TRIR: variants seen among roughly 807,000 people sequenced by gnomAD.
TRIR encodes telomerase RNA component interacting RNase.
Under a neutral mutation model 18.2 loss-of-function variants are expected in TRIR, and 5 were observed. That is an observed-to-expected ratio of 0.27 (90% CI 0.14 to 0.58). The LOEUF is 0.58. TRIR is among the 20% of genes least tolerant of loss of function. The pLI is 0.91. For synonymous variants in TRIR, 134 were observed against 114.4 expected (o/e 1.17, Z -1.10); for missense variants, 206 against 252.8 (o/e 0.81, Z 1.25).
rs1224246485 is a variant in TRIR, at chr19:12,731,435, CAGA to C, written c.346-17_346-15del. 6.2e-7 allele frequency: 1 copy of C among 1,610,092 alleles called. No individual in the cohort carries two copies. On this transcript the variant is annotated splice_polypyrimidine_tract_variant and intron_variant, in intron 1 of 2. Coordinates refer to ENST00000242784, the MANE Select transcript of TRIR (RefSeq NM_024038.4). This position sits in a 1 kb window ranked among gnomAD's most constrained non-coding sequence, Gnocchi z 5.1. ...GCGTTTGCCCACCTGGGTGAAGGGA[CAGA>C]AGACTGCAACGGTTACAGGAGCCGG...
In TRIR at chr19:12,731,831, C is replaced by T. The variant is rs1967433689; in HGVS notation, c.346-410G>A. The stretch of plus-strand genomic sequence containing the variant: ...TACCCTAAGATGAAAGTTAGAACCA[C>T]CCCCTTTTTGACCAGGCGCGGTGGC... On this transcript the variant is annotated intron_variant, in intron 1 of 2. Coordinates refer to ENST00000242784, the MANE Select transcript of TRIR (RefSeq NM_024038.4). The surrounding 1 kb of genome is among the most constrained non-coding windows in gnomAD (Gnocchi z 5.1). 1 of 172,758 alleles carries T rather than the reference C, an allele frequency of 5.8e-6. No homozygotes were observed. The highest frequency in any genetic ancestry group is 2.4e-5 in the African/African-American group (1 of 41,862). The allele number at this position is 172,758 out of a possible 1,614,324, so 10.7% of individuals were successfully genotyped here. A position where few individuals can be genotyped will look rare whatever the true frequency, so the allele number is the denominator to read the frequency against.
chr19:12,732,176 G>A (rs1967443152), intron 1 of TRIR, among the ~76,000 whole-genome samples: 1 of 147,808 alleles, frequency 6.8e-6, no homozygotes, highest in Non-Finnish European at 1.5e-5. Context: ...CCTTTTCATA[G>A]ATGAGGAAAG....
rs1568344190 is a variant in TRIR, at chr19:12,730,888, G to A, written c.*73C>T. ...TTAAGTCCTCTCAGGGAAGGCTGTC[G>A]CCGCTGCCGCTGCATTAAATAGTTA... On this transcript the variant is annotated 3_prime_UTR_variant, in exon 3 of 3. Coordinates refer to ENST00000242784, the MANE Select transcript of TRIR (RefSeq NM_024038.4). The A allele has an allele frequency of 2.9e-6, 4 of 1,384,858 alleles. No homozygotes were observed. The highest frequency in any genetic ancestry group is 2.1e-6 in the Non-Finnish European group (2 of 974,966). The allele number at this position is 1,384,858 out of a possible 1,614,324, so 85.8% of individuals were successfully genotyped here. A position where few individuals can be genotyped will look rare whatever the true frequency, so the allele number is the denominator to read the frequency against.
At position 12,734,401 on chromosome 19, in the gene TRIR, G is replaced by A; in HGVS notation, c.257C>T (p.Pro86Leu). Residue 86 changes from proline to leucine, a missense_variant, in exon 1 of 3, where the codon CCG becomes CTG. Coordinates refer to ENST00000242784, the MANE Select transcript of TRIR (RefSeq NM_024038.4). This position sits in a 1 kb window ranked among gnomAD's most constrained non-coding sequence, Gnocchi z 4.1. ...CGACTGGTCGGGTCGCTGCGGACCCGGGGGCGGCTCCTCCTGCCGCTGCCG... is the reference window on the plus strand; with the variant it reads ...CGACTGGTCGGGTCGCTGCGGACCCAGGGGCGGCTCCTCCTGCCGCTGCCG... The part of the protein sequence containing the change: ...EQRQRQEEPP[P>L]GPQRPDQSAA... The A allele has an allele frequency of 2.6e-6, 4 of 1,513,648 alleles. No homozygotes were observed. Among genetic ancestry groups the A allele is most frequent in the South Asian group, 2.5e-5 (2 of 80,380 alleles). 93.8% of individuals were successfully genotyped at this position (1,513,648 alleles called of 1,614,324 possible).
chr19:12,730,720 G>C lies in TRIR; in HGVS notation c.*241C>G. On this transcript the variant is annotated 3_prime_UTR_variant, in exon 3 of 3. Transcript: ENST00000242784. ...GAGGGTGAGAAGAGGAAGACAGAAA[G>C]AGCCAGAGAGAATGAGGAGGTGAGA... 2 of 572,488 alleles carry C rather than the reference G, an allele frequency of 3.5e-6. No individual in the cohort carries two copies. Among genetic ancestry groups the C allele is most frequent in the South Asian group, 2.1e-5 (1 of 48,178 alleles). 35.5% of individuals were successfully genotyped at this position (572,488 alleles called of 1,614,324 possible). A position where few individuals can be genotyped will look rare whatever the true frequency, so the allele number is the denominator to read the frequency against.
chr19:12,732,124 C>CAAAA (rs34115155), intron 1 of TRIR, among the ~76,000 whole-genome samples: 41 of 79,768 alleles, frequency 5.1e-4, no homozygotes, highest in African/African-American at 1.7e-3. Flanking sequence ...GACTCTGTCT[C>CAAAA]AAAAAAAAAA....
In TRIR at chr19:12,731,612, G is replaced by A. The variant is rs935614961; in HGVS notation, c.346-191C>T. 11 of 607,762 alleles carry A rather than the reference G, an allele frequency of 1.8e-5. No homozygotes were observed. Among genetic ancestry groups the A allele is most frequent in the African/African-American group, 7.4e-5 (4 of 53,780 alleles). 37.6% of individuals were successfully genotyped at this position (607,762 alleles called of 1,614,324 possible). A position where few individuals can be genotyped will look rare whatever the true frequency, so the allele number is the denominator to read the frequency against. ...GACTCAGCGCCTGCCCTGGGCCCGC[G>A]GTGCCCTCCCAGGGAGCAAGAAGAG... On this transcript the variant is annotated intron_variant, in intron 1 of 2. Coordinates refer to ENST00000242784, the MANE Select transcript of TRIR (RefSeq NM_024038.4). The surrounding 1 kb of genome is among the most constrained non-coding windows in gnomAD (Gnocchi z 5.1).
chr19:12,731,775 T>C lies in TRIR; in HGVS notation c.346-354A>G, dbSNP rs1967432610. 1 of 241,584 alleles carries C rather than the reference T, an allele frequency of 4.1e-6. No individual in the cohort carries two copies. Among genetic ancestry groups the C allele is most frequent in the Admixed American group, 4.9e-5 (1 of 20,244 alleles). The allele number at this position is 241,584 out of a possible 1,614,324, so 15.0% of individuals were successfully genotyped here. On this transcript the variant is annotated intron_variant, in intron 1 of 2. Coordinates refer to ENST00000242784, the MANE Select transcript of TRIR (RefSeq NM_024038.4). The surrounding 1 kb of genome is among the most constrained non-coding windows in gnomAD (Gnocchi z 5.1). ...ATGCCAAGCCCTGTGCCAAGTGCTG[T>C]GGATGTATCATCTCCTTTCATTTTC...
chr19:12,733,035 C>T (rs1967464536), intron 1 of TRIR, among the ~76,000 whole-genome samples: 1 of 152,106 alleles, frequency 6.6e-6, no homozygotes, highest in Admixed American at 6.6e-5. Context: ...TCCTGGGTAG[C>T]TGGAGCTCCA....
chr19:12,734,583 C>A lies in TRIR; in HGVS notation c.75G>T (p.Gly25=), dbSNP rs1413813300. 4 of 1,522,430 alleles carry A rather than the reference C, an allele frequency of 2.6e-6. No individual in the cohort carries two copies. The highest frequency in any genetic ancestry group is 3.5e-6 in the Non-Finnish European group (4 of 1,140,474). 94.3% of individuals were successfully genotyped at this position (1,522,430 alleles called of 1,614,324 possible). A position where few individuals can be genotyped will look rare whatever the true frequency, so the allele number is the denominator to read the frequency against. ...APGPAGGGGG[G]SRWAESGSGT... ...CCGATCCCGACTCAGCCCAACGGCTCCCGCCACCGCCACCGCCCGCGGGGC... is the reference window on the plus strand; with the variant it reads ...CCGATCCCGACTCAGCCCAACGGCTACCGCCACCGCCACCGCCCGCGGGGC... The change falls in exon 1 of 3, where the codon GGG becomes GGT. Residue 25 remains glycine (G), a synonymous_variant. Coordinates refer to ENST00000242784, the MANE Select transcript of TRIR (RefSeq NM_024038.4). The surrounding 1 kb of genome is among the most constrained non-coding windows in gnomAD (Gnocchi z 4.1).
chr19:12,731,561 C>A lies in TRIR; in HGVS notation c.346-140G>T, dbSNP rs752160962. On this transcript the variant is annotated intron_variant, in intron 1 of 2. Coordinates refer to ENST00000242784, the MANE Select transcript of TRIR (RefSeq NM_024038.4). This position sits in a 1 kb window ranked among gnomAD's most constrained non-coding sequence, Gnocchi z 5.1. ...CCAGCTCCGCCAGCCGGCCGACCTG[C>A]GCAGCAATCAGAGAGGAGCACACGC... The A allele has an allele frequency of 4.6e-6, 4 of 870,908 alleles. No homozygotes were observed. The highest frequency in any genetic ancestry group is 6.9e-6 in the Non-Finnish European group (4 of 575,686). The allele number at this position is 870,908 out of a possible 1,614,324, so 53.9% of individuals were successfully genotyped here.
In TRIR at chr19:12,731,269, G is replaced by A; in HGVS notation, c.423+75C>T. 3 of 1,544,588 alleles carry A rather than the reference G, an allele frequency of 1.9e-6. No homozygotes were observed. ...CATAAAAGGCCTGGATACCAGACAG[G>A]GAGGGAGAAGGCTGGGCGCAAAAGC... On this transcript the variant is annotated intron_variant, in intron 2 of 2. Coordinates refer to ENST00000242784, the MANE Select transcript of TRIR (RefSeq NM_024038.4). The surrounding 1 kb of genome is among the most constrained non-coding windows in gnomAD (Gnocchi z 5.1).
chr19:12,731,134 A>G lies in TRIR; in HGVS notation c.424-66T>C. On this transcript the variant is annotated intron_variant, in intron 2 of 2. Coordinates refer to ENST00000242784, the MANE Select transcript of TRIR (RefSeq NM_024038.4). The surrounding 1 kb of genome is among the most constrained non-coding windows in gnomAD (Gnocchi z 5.1). ...ACCAGGGTCAGGACTGCCCTGAGAC[A>G]GGTGACCCATTCCCAGTGTCACCCA... The G allele has an allele frequency of 1.4e-6, 2 of 1,395,052 alleles. No homozygotes were observed. The highest frequency in any genetic ancestry group is 2.3e-5 in the South Asian group (2 of 86,420). The allele number at this position is 1,395,052 out of a possible 1,614,324, so 86.4% of individuals were successfully genotyped here.
chr19:12,732,248 A>G (rs911316359), intron 1 of TRIR, among the ~76,000 whole-genome samples: 2 of 152,140 alleles, frequency 1.3e-5, no homozygotes, highest in Non-Finnish European at 2.9e-5. Context: ...AGGTGGGTCG[A>G]AGCCTCTGGA....
Position 12,734,613 on chromosome 19 carries a change from A to G in TRIR, c.45T>C (p.Ala15=), listed in dbSNP as rs1343731928. 1.8e-5 allele frequency: 28 copies of G among 1,517,354 alleles called. No individual in the cohort carries two copies. In the South Asian group the frequency reaches 3.3e-4, roughly 18 times the overall value. The allele number at this position is 1,517,354 out of a possible 1,614,324, so 94.0% of individuals were successfully genotyped here. A position where few individuals can be genotyped will look rare whatever the true frequency, so the allele number is the denominator to read the frequency against. ...CACCGCCACCGCCCGCGGGGCCCGG[A>G]GCCTCCCGGCCCTGAGGCTCCGCCC... is the stretch of plus-strand genomic sequence containing the variant. ...GRRAEPQGRE[A]PGPAGGGGGG... The change falls in exon 1 of 3, where the codon GCT becomes GCC. Residue 15 remains alanine (A), a synonymous_variant. Coordinates refer to ENST00000242784, the MANE Select transcript of TRIR (RefSeq NM_024038.4). The surrounding 1 kb of genome is among the most constrained non-coding windows in gnomAD (Gnocchi z 4.1).
At position 12,731,598 on chromosome 19, in the gene TRIR, T is replaced by C. The variant is rs1967429583; in HGVS notation, c.346-177A>G. On this transcript the variant is annotated intron_variant, in intron 1 of 2. Coordinates refer to ENST00000242784, the MANE Select transcript of TRIR (RefSeq NM_024038.4). This position sits in a 1 kb window ranked among gnomAD's most constrained non-coding sequence, Gnocchi z 5.1. ...AGAGGAGCACACGCGACTCAGCGCC[T>C]GCCCTGGGCCCGCGGTGCCCTCCCA... The C allele has an allele frequency of 3.1e-6, 2 of 643,824 alleles. No individual in the cohort carries two copies. Among genetic ancestry groups the C allele is most frequent in the Non-Finnish European group, 5.3e-6 (2 of 378,698 alleles). The allele number at this position is 643,824 out of a possible 1,614,324, so 39.9% of individuals were successfully genotyped here. A position where few individuals can be genotyped will look rare whatever the true frequency, so the allele number is the denominator to read the frequency against.
In TRIR at chr19:12,731,039, G is replaced by A. The variant is rs750451295; in HGVS notation, c.453C>T (p.Ala151=). 1 of 1,613,914 alleles carries A rather than the reference G, an allele frequency of 6.2e-7. No individual in the cohort carries two copies. Among genetic ancestry groups the A allele is most frequent in the African/African-American group, 1.3e-5 (1 of 74,866 alleles). ...EVLTSKGDAW[A]KYMAEVKKYK... is the part of the protein sequence containing the mutation. The stretch of plus-strand genomic sequence containing the variant: ...ACTTTTTCACTTCTGCCATGTACTT[G>A]GCCCACGCGTCACCTTTACTTGTTA... The change falls in exon 3 of 3, where the codon GCC becomes GCT. Residue 151 remains alanine (A), a synonymous_variant. Transcript: ENST00000242784. This position sits in a 1 kb window ranked among gnomAD's most constrained non-coding sequence, Gnocchi z 5.1.
In TRIR at chr19:12,734,591, C is replaced by A; in HGVS notation, c.67G>T (p.Gly23Cys). 1 of 1,520,932 alleles carries A rather than the reference C, an allele frequency of 6.6e-7. No homozygotes were observed. The allele number at this position is 1,520,932 out of a possible 1,614,324, so 94.2% of individuals were successfully genotyped here. Residue 23 changes from glycine (G) to cysteine (C), a missense_variant, in exon 1 of 3, where the codon GGT becomes TGT. Physicochemically the swap from Gly to Cys is radical, Grantham distance 159. Around this residue, in one of 2 missense-constraint regions of TRIR, gnomAD observed 172 missense variants for 165.0 expected, o/e 1.04. Coordinates refer to ENST00000242784, the MANE Select transcript of TRIR (RefSeq NM_024038.4). This position sits in a 1 kb window ranked among gnomAD's most constrained non-coding sequence, Gnocchi z 4.1. ...REAPGPAGGGGGGSRWAESGS... is the reference protein window; with the variant it reads ...REAPGPAGGGCGGSRWAESGS... ...GACTCAGCCCAACGGCTCCCGCCACCGCCACCGCCCGCGGGGCCCGGAGCC... is the reference window on the plus strand; with the variant it reads ...GACTCAGCCCAACGGCTCCCGCCACAGCCACCGCCCGCGGGGCCCGGAGCC...
At chr19:12,733,207 C>G (rs8100789) in intron 1 of TRIR, among the ~76,000 whole-genome samples, 3 of 152,166 alleles carry the variant, frequency 2.0e-5, no homozygotes, top group Non-Finnish European at 4.4e-5. Flanking sequence ...CTGCACCCAA[C>G]CCACGCCCAT....
Sources: gnomAD v4.1 joint callset for allele counts (sites outside exome capture counted in the v4.1 genomes callset) on GRCh38, gnomAD v4.1.1 for gene constraint, gnomAD v4.1.1 regional missense constraint, Gnocchi (gnomAD v3.1) non-coding constraint, MANE v1.5 for transcripts, NCBI Gene and HGNC (gene_info 2026-07-23, HGNC 2026-07-21) for gene names.